Variants in RBM18 observed in about 807,000 individuals in gnomAD.
RBM18 encodes the protein RNA binding motif protein 18, also known as probable RNA-binding protein 18.
In RBM18, 18 loss-of-function variants were observed where a neutral mutation model predicts 26.4. The observed-to-expected ratio is 0.68, with a 90% CI of 0.47 to 1.01. RBM18 has a LOEUF of 1.01. Ranked by LOEUF, RBM18 falls within the 50% of genes least tolerant of loss-of-function variation. The pLI is 0.00. For synonymous variants in RBM18, 74 were observed against 81.1 expected (o/e 0.91, Z 0.47); for missense variants, 180 against 219.2 (o/e 0.82, Z 1.13).
intron 2 of RBM18, among the ~76,000 whole-genome samples, chr9:122,254,817 C>A (rs985054084): frequency 6.6e-6 from 1 of 152,110 alleles, no homozygotes; most frequent in Admixed American, 6.6e-5. Flanking sequence ...CAAACAATTA[C>A]AAAACAATGG....
rs554279558 is a variant in RBM18 at position 122,243,191 on chromosome 9, T to C, written c.414-1148A>G. On this transcript the variant is annotated intron_variant, in intron 5 of 5. Coordinates refer to ENST00000417201, the MANE Select transcript of RBM18 (RefSeq NM_033117.4). ...CTCACTATGTTGTCCAGGCTGGTCT[T>C]GAACTCCTGGCTTCAAGTAATCCTC... 2.0e-5 allele frequency among the ~76,000 whole-genome samples: 3 copies of C among 152,200 alleles called. No individual in the cohort carries two copies. In the South Asian group the frequency reaches 6.2e-4, roughly 32 times the overall value.
chr9:122,251,705 T>C lies in RBM18; in HGVS notation c.240+142A>G, dbSNP rs147797751. The C allele has an allele frequency of 1.4e-3, 972 of 698,524 alleles. 10 individuals are homozygous for C. In the African/African-American group the frequency reaches 0.017, roughly 12 times the overall value. The allele number at this position is 698,524 out of a possible 1,614,324, so 43.3% of individuals were successfully genotyped here. A position where few individuals can be genotyped will look rare whatever the true frequency, so the allele number is the denominator to read the frequency against. On this transcript the variant is annotated intron_variant, in intron 3 of 5. Transcript: ENST00000417201. ...TCATTTGTTTATTGAGGATCCCTTATAGGACTCAGTGTAAGGCACACAGAT... is the reference window on the plus strand; with the variant it reads ...TCATTTGTTTATTGAGGATCCCTTACAGGACTCAGTGTAAGGCACACAGAT...
At position 122,262,586 on chromosome 9, in the gene RBM18, C is replaced by CT. The variant is rs3048201; in HGVS notation, c.-16-1079dup. Among the ~76,000 whole-genome samples, 540 of 151,444 alleles carry CT rather than the reference C, an allele frequency of 3.6e-3. 14 individuals carry two copies. The East Asian group carries it at 0.062, about 17-fold the overall frequency. ...CAAATTGTGGCATTTCTTTCTTTCT[C>CT]TTTTTTTTTGTTTTTGAGACAGACT... On this transcript the variant is annotated intron_variant, in intron 1 of 5. Transcript: ENST00000417201.
chr9:122,244,429 G>C (rs1378496428), intron 5 of RBM18, among the ~76,000 whole-genome samples: 2 of 152,184 alleles, frequency 1.3e-5, no homozygotes, highest in Middle Eastern at 3.2e-3. Flanking sequence ...CCCCGGAACA[G>C]GTTTTAGTCC....
rs750700240 is a variant in RBM18, at chr9:122,242,024, C to A, written c.433G>T (p.Ala145Ser). ...SNLSVTAKIK[A>S]IEAKLKMMAE... is the part of the protein sequence containing the mutation. ...ATCATTTTCAGTTTTGCTTCAATGG[C>A]TTTTATCTTTGCAGTGACACTGGAA... is the stretch of plus-strand genomic sequence containing the variant. Residue 145 changes from alanine (A) to serine (S), a missense_variant, in exon 6 of 6, where the codon GCC becomes TCC. Transcript: ENST00000417201. 1.2e-6 allele frequency: 2 copies of A among 1,613,988 alleles called. No individual in the cohort carries two copies. The highest frequency in any genetic ancestry group is 1.7e-6 in the Non-Finnish European group (2 of 1,179,972).
chr9:122,250,890 AAC>A (rs1179543270), intron 3 of RBM18, among the ~76,000 whole-genome samples: 1 of 148,340 alleles, frequency 6.7e-6, no homozygotes, highest in African/African-American at 2.5e-5. Context: ...ATAATAAAAA[AAC>A]ACTCATACAA....
intron 5 of RBM18, among the ~76,000 whole-genome samples, chr9:122,243,135 ATTT>A (rs915926215): frequency 6.6e-6 from 1 of 151,718 alleles, no homozygotes; most frequent in Admixed American, 6.6e-5. Context: ...GCCCCATCTG[ATTT>A]TTTTAACTTT....
rs1831376699 is a variant in RBM18 at position 122,239,395 on chromosome 9, T to G, written c.*2489A>C. 1 of 152,168 alleles carries G rather than the reference T, an allele frequency of 6.6e-6. No homozygotes were observed. The highest frequency in any genetic ancestry group is 1.5e-5 in the Non-Finnish European group (1 of 68,036). The allele number at this position is 152,168 out of a possible 1,614,324, so 9.4% of individuals were successfully genotyped here. A position where few individuals can be genotyped will look rare whatever the true frequency, so the allele number is the denominator to read the frequency against. ...TCCTCCCCAGTACTAAGATACCAAT[T>G]ATAGAAAATCAACTGGTTAGGATTA... On this transcript the variant is annotated 3_prime_UTR_variant, in exon 6 of 6. Coordinates refer to ENST00000417201, the MANE Select transcript of RBM18 (RefSeq NM_033117.4).
At chr9:122,257,680 G>C (rs1831719846) in intron 2 of RBM18, among the ~76,000 whole-genome samples, 1 of 152,166 alleles carries the variant, frequency 6.6e-6, no homozygotes, top group African/African-American at 2.4e-5. Flanking sequence ...AAAAAAAATT[G>C]TCATTGTTTT....
chr9:122,243,657 A>G (rs1409456921), intron 5 of RBM18: 18 of 856,700 alleles, frequency 2.1e-5, no homozygotes, highest in Non-Finnish European at 2.5e-5. Flanking sequence ...AGGAGTATAT[A>G]CATGGGCTTT....
chr9:122,249,925 G>A (rs1831570735), intron 3 of RBM18, among the ~76,000 whole-genome samples: 1 of 151,664 alleles, frequency 6.6e-6, no homozygotes, highest in South Asian at 2.1e-4. Context: ...GCAAAAATTA[G>A]CCAGGCATGC....
intron 4 of RBM18, 48 bp from the exon 5 acceptor site, chr9:122,245,389 C>G (rs778667244): frequency 6.6e-6 from 8 of 1,213,778 alleles, no homozygotes; most frequent in Non-Finnish European, 8.5e-6. Flanking sequence ...AGAAACCAGC[C>G]CTTTACTGTA....
intron 2 of RBM18, chr9:122,254,155 C>T (rs1022343194): frequency 1.3e-5 from 2 of 155,470 alleles, no homozygotes; most frequent in Non-Finnish European, 1.4e-5. Flanking sequence ...AGGAAGGTAA[C>T]ACGATTGGCA....
intron 3 of RBM18, among the ~76,000 whole-genome samples, chr9:122,248,435 G>C (rs1018304348): frequency 1.3e-5 from 2 of 152,140 alleles, no homozygotes; most frequent in African/African-American, 4.8e-5. Context: ...CTGGACTAGG[G>C]CATACTCCCT....
At chr9:122,256,032 A>G (rs1831691850) in intron 2 of RBM18, among the ~76,000 whole-genome samples, 1 of 149,862 alleles carries the variant, frequency 6.7e-6, no homozygotes, top group Admixed American at 6.6e-5. Context: ...CTCTGTCTCA[A>G]AAAGAAAACA....
chr9:122,256,307 A>G (rs1729101724), intron 2 of RBM18, among the ~76,000 whole-genome samples: 1 of 152,182 alleles, frequency 6.6e-6, no homozygotes, highest in South Asian at 2.1e-4. Flanking sequence ...TAGTACTTAT[A>G]GGCCTTTATT....
chr9:122,247,976 C>T (rs930256961), intron 3 of RBM18, among the ~76,000 whole-genome samples: 23 of 152,020 alleles, frequency 1.5e-4, no homozygotes, highest in Non-Finnish European at 3.1e-4. Context: ...TTAGTAGAGA[C>T]GGGGTTTCAC....
At chr9:122,242,474 G>A (rs149983129) in intron 5 of RBM18, among the ~76,000 whole-genome samples, 152 of 152,284 alleles carry the variant, frequency 1.0e-3, no homozygotes, top group African/African-American at 3.5e-3. Flanking sequence ...GCAAGTAAAC[G>A]ATAGAGCAGA....
rs1216680966 is a variant in RBM18, at chr9:122,238,511, A to G, written c.*3373T>C. On this transcript the variant is annotated 3_prime_UTR_variant, in exon 6 of 6. Transcript: ENST00000417201. ...GGGCTCTGCGGCTATCTGGAGAAAG[A>G]GCGTTCTAAGCTAAGGCAACAGCCA... 1 of 152,176 alleles carries G rather than the reference A, an allele frequency of 6.6e-6. No homozygotes were observed. The highest frequency in any genetic ancestry group is 1.9e-4 in the East Asian group (1 of 5,188). The allele number at this position is 152,176 out of a possible 1,614,324, so 9.4% of individuals were successfully genotyped here.
Sources: allele counts gnomAD v4.1 joint callset (sites outside exome capture counted in the v4.1 genomes callset), GRCh38; gene constraint gnomAD v4.1.1; transcripts MANE v1.5; gene names NCBI Gene and HGNC (gene_info 2026-07-23, HGNC 2026-07-21).